Variants in SEMA3E observed in about 807,000 individuals in gnomAD.
SEMA3E encodes the protein semaphorin 3E.
A neutral mutation model predicts 93.6 loss-of-function variants in SEMA3E; 49 were observed. That is an observed-to-expected ratio of 0.52 (90% CI 0.42 to 0.66). SEMA3E has a LOEUF of 0.66. Ranked by LOEUF, SEMA3E falls within the 30% of genes least tolerant of loss-of-function variation. The pLI, the probability that SEMA3E is intolerant of heterozygous loss-of-function variation, is 0.00. For missense variants in SEMA3E, 906 were observed against 964.8 expected (o/e 0.94, Z 0.81); for synonymous variants, 363 against 330.7 (o/e 1.10, Z -1.06).
intron 1 of SEMA3E, among the ~76,000 whole-genome samples, chr7:83,588,255 A>T (rs1485238382): frequency 1.3e-5 from 2 of 151,942 alleles, no homozygotes; most frequent in African/African-American, 2.4e-5. Context: ...GGTGGCGGGC[A>T]CCTGTAATCC....
intron 16 of SEMA3E, chr7:83,372,096 T>G (rs1206757397): frequency 2.5e-6 from 1 of 392,494 alleles, no homozygotes; most frequent in Non-Finnish European, 4.5e-6. Context: ...GAGAACATAC[T>G]AATTCATTTT....
chr7:83,629,865 G>T (rs1013830970), intron 1 of SEMA3E, among the ~76,000 whole-genome samples: 2 of 152,142 alleles, frequency 1.3e-5, no homozygotes, highest in African/African-American at 4.8e-5. Flanking sequence ...CTAGCTCATT[G>T]TCTGCCCACA....
chr7:83,527,062 G>C (rs1562819640), intron 1 of SEMA3E, among the ~76,000 whole-genome samples: 1 of 152,140 alleles, frequency 6.6e-6, no homozygotes, highest in Non-Finnish European at 1.5e-5. Flanking sequence ...TGTAAGGGAA[G>C]GGGAATTTGG....
At chr7:83,611,251 TTA>T (rs1491114854) in intron 1 of SEMA3E, among the ~76,000 whole-genome samples, 1 of 143,774 alleles carries the variant, frequency 7.0e-6, no homozygotes, top group Non-Finnish European at 1.5e-5. Context: ...CCATATATAT[TTA>T]TATATATTAT....
chr7:83,545,814 A>C (rs2115781540), intron 1 of SEMA3E, among the ~76,000 whole-genome samples: 2 of 134,378 alleles, frequency 1.5e-5, no homozygotes, highest in South Asian at 4.7e-4. Flanking sequence ...TATATCCAGT[A>C]TTATATATAT....
intron 1 of SEMA3E, among the ~76,000 whole-genome samples, chr7:83,573,237 A>C (rs924949799): frequency 1.3e-5 from 2 of 152,114 alleles, no homozygotes; most frequent in Middle Eastern, 3.2e-3. Context: ...GATAAAATAC[A>C]TAAACAGTGT....
At chr7:83,402,854 A>T in intron 9 of SEMA3E, 78 bp from the exon 10 acceptor site, 2 of 1,403,146 alleles carry the variant, frequency 1.4e-6, no homozygotes, top group Non-Finnish European at 9.9e-7. Context: ...GCCTACAAAG[A>T]TAAGAGTCAA....
intron 1 of SEMA3E, among the ~76,000 whole-genome samples, chr7:83,594,086 A>G (rs927089397): frequency 1.3e-5 from 2 of 152,152 alleles, no homozygotes; most frequent in African/African-American, 4.8e-5. Flanking sequence ...AGGCTGTTCC[A>G]TATGGTGAAT....
chr7:83,595,951 T>A (rs183240007), intron 1 of SEMA3E, among the ~76,000 whole-genome samples: 60 of 152,254 alleles, frequency 3.9e-4, no homozygotes, highest in African/African-American at 1.3e-3. Context: ...CCACTAATTT[T>A]AGCACCCTTC....
At chr7:83,434,460 A>G (rs150953461) in intron 4 of SEMA3E, among the ~76,000 whole-genome samples, 57 of 152,326 alleles carry the variant, frequency 3.7e-4, no homozygotes, top group African/African-American at 1.3e-3. Flanking sequence ...AATTCATCCA[A>G]TATGCTTTCA....
At chr7:83,485,427 C>T (rs778807102) in intron 2 of SEMA3E, among the ~76,000 whole-genome samples, 1 of 152,020 alleles carries the variant, frequency 6.6e-6, no homozygotes, top group Non-Finnish European at 1.5e-5. Context: ...ACATGCATAG[C>T]CAGGATTTAA....
chr7:83,458,245 T>G (rs1789532349), intron 4 of SEMA3E, among the ~76,000 whole-genome samples: 1 of 151,738 alleles, frequency 6.6e-6, no homozygotes, highest in African/African-American at 2.4e-5. Context: ...ATCATGTGTA[T>G]GAAGTGGAAG....
intron 16 of SEMA3E, among the ~76,000 whole-genome samples, chr7:83,368,677 C>G (rs780130523): frequency 9.2e-5 from 14 of 152,094 alleles, no homozygotes; most frequent in African/African-American, 2.9e-4. Context: ...AAGGATCAGA[C>G]GGAATAGCAA....
chr7:83,526,532 G>A (rs73176568), intron 1 of SEMA3E, among the ~76,000 whole-genome samples: 23,140 of 152,028 alleles, frequency 0.15, 2,346 homozygotes, highest in Middle Eastern at 0.36. Context: ...ACTGATATAG[G>A]TGCTTGGCAC....
intron 1 of SEMA3E, among the ~76,000 whole-genome samples, chr7:83,518,445 T>C (rs1790979070): frequency 6.6e-6 from 1 of 151,984 alleles, no homozygotes; most frequent in Admixed American, 6.6e-5. Flanking sequence ...GGCTGATAGA[T>C]TGGAAAAGTT....
At chr7:83,463,662 A>C (rs1158731728) in intron 4 of SEMA3E, among the ~76,000 whole-genome samples, 1 of 152,146 alleles carries the variant, frequency 6.6e-6, no homozygotes, top group Admixed American at 6.5e-5. Flanking sequence ...CGGTTCCACC[A>C]GGCCTAATCA....
chr7:83,537,932 T>C (rs1791438843), intron 1 of SEMA3E, among the ~76,000 whole-genome samples: 1 of 152,168 alleles, frequency 6.6e-6, no homozygotes, highest in African/African-American at 2.4e-5. Flanking sequence ...CTAGTCTCTA[T>C]CAATTTCCTT....
intron 1 of SEMA3E, among the ~76,000 whole-genome samples, chr7:83,614,450 T>A (rs1032435103): frequency 6.6e-6 from 1 of 152,142 alleles, no homozygotes; most frequent in Non-Finnish European, 1.5e-5. Flanking sequence ...TTTATTTGTG[T>A]GCAGAGAAAA....
chr7:83,430,779 G>A (rs1022499160), intron 4 of SEMA3E, among the ~76,000 whole-genome samples: 1 of 152,120 alleles, frequency 6.6e-6, no homozygotes, highest in Admixed American at 6.6e-5. Flanking sequence ...AACCACCATG[G>A]CACATGTATA....
Sources: allele counts gnomAD v4.1 joint callset (sites outside exome capture counted in the v4.1 genomes callset), GRCh38; gene constraint gnomAD v4.1.1; transcripts MANE v1.5; gene names NCBI Gene and HGNC (gene_info 2026-07-23, HGNC 2026-07-21).